GON4L: variants seen among roughly 807,000 people sequenced by gnomAD.
GON4L encodes the protein GON-4-like protein.
In GON4L, 87 loss-of-function variants were observed where a neutral mutation model predicts 211.8. The observed-to-expected ratio is 0.41, with a 90% CI of 0.35 to 0.49. The LOEUF (loss-of-function observed/expected upper bound fraction) is 0.49. GON4L is among the 20% of genes least tolerant of loss of function. The pLI is 0.15. For missense variants in GON4L, 2,155 were observed against 2,659.5 expected (o/e 0.81, Z 4.17); for synonymous variants, 875 against 962.6 (o/e 0.91, Z 1.68).
At chr1:155,752,826 TA>T (rs1199109810) in intron 29 of GON4L, among the ~76,000 whole-genome samples, 1 of 151,794 alleles carries the variant, frequency 6.6e-6, no homozygotes, top group Non-Finnish European at 1.5e-5. Context: ...ATATAAATAA[TA>T]AAAGAGTTGG....
chr1:155,839,293 G>T (rs1670576006), intron 2 of GON4L, among the ~76,000 whole-genome samples: 1 of 150,754 alleles, frequency 6.6e-6, no homozygotes, highest in African/African-American at 2.4e-5. Flanking sequence ...GATCTCAGTG[G>T]GAAAAAAAAA....
intron 2 of GON4L, among the ~76,000 whole-genome samples, chr1:155,849,377 T>C (rs1243085060): frequency 1.3e-5 from 2 of 151,298 alleles, no homozygotes; most frequent in Non-Finnish European, 2.9e-5. Flanking sequence ...ACCCTGCCTC[T>C]ACTAAAAATA....
At chr1:155,759,277 A>G (rs1343175177) in intron 24 of GON4L, among the ~76,000 whole-genome samples, 2 of 152,020 alleles carry the variant, frequency 1.3e-5, no homozygotes, top group Non-Finnish European at 2.9e-5. Flanking sequence ...TTATCTCTTT[A>G]AAAAAATTTT....
chr1:155,852,807 T>C (rs972615357), intron 2 of GON4L, among the ~76,000 whole-genome samples: 11 of 150,358 alleles, frequency 7.3e-5, no homozygotes, highest in African/African-American at 2.5e-4. Context: ...AGAAAGTCTA[T>C]ATCCATTCAT....
At chr1:155,843,252 T>C (rs1670943420) in intron 2 of GON4L, among the ~76,000 whole-genome samples, 1 of 152,070 alleles carries the variant, frequency 6.6e-6, no homozygotes, top group Non-Finnish European at 1.5e-5. Flanking sequence ...AACTCCATAG[T>C]AAACATTTCT....
chr1:155,833,281 C>T (rs780835827), intron 2 of GON4L, among the ~76,000 whole-genome samples: 1 of 152,062 alleles, frequency 6.6e-6, no homozygotes, highest in African/African-American at 2.4e-5. Flanking sequence ...TTCCTTCTGA[C>T]AACTTATCTT....
chr1:155,813,826 A>G (rs1667998147), intron 9 of GON4L, 22 bp from the exon 10 acceptor site: 1 of 1,607,438 alleles, frequency 6.2e-7, no homozygotes, highest in African/African-American at 1.3e-5. Flanking sequence ...AGGTGACTGC[A>G]TCAAAAAAGG....
chr1:155,826,275 G>A (rs1340673548), intron 3 of GON4L, among the ~76,000 whole-genome samples: 1 of 151,474 alleles, frequency 6.6e-6, no homozygotes, highest in Non-Finnish European at 1.5e-5. Flanking sequence ...CAAAAAGACA[G>A]AACAACTGGC....
chr1:155,745,448 C>G (rs1660220642), downstream of GON4L, among the ~76,000 whole-genome samples: 1 of 152,170 alleles, frequency 6.6e-6, no homozygotes, highest in Admixed American at 6.5e-5. Flanking sequence ...CATTTTTGCC[C>G]GGGGAGCTAT....
At chr1:155,794,084 T>C (rs919634384) in intron 12 of GON4L, among the ~76,000 whole-genome samples, 1 of 152,152 alleles carries the variant, frequency 6.6e-6, no homozygotes, top group African/African-American at 2.4e-5. Context: ...AACCTCTTTT[T>C]TTTTTCAGGC....
upstream of GON4L, among the ~76,000 whole-genome samples, chr1:155,857,592 G>A (rs943404323): frequency 1.3e-5 from 2 of 152,162 alleles, no homozygotes; most frequent in Non-Finnish European, 2.9e-5. Flanking sequence ...AGCTGGGCGT[G>A]GTGGCGCACG....
chr1:155,800,779 G>A (rs200413280), intron 11 of GON4L, among the ~76,000 whole-genome samples: 2 of 151,078 alleles, frequency 1.3e-5, no homozygotes, highest in East Asian at 3.9e-4. Flanking sequence ...TTGAACCCGG[G>A]TGGAGGTTGC....
In GON4L at chr1:155,826,983, G is replaced by A. The variant is rs1281851959; in HGVS notation, c.551C>T (p.Ser184Leu). Residue 184 changes from serine to leucine, a missense_variant, in exon 3 of 32, where the codon TCA becomes TTA. Around this residue, in one of 6 missense-constraint regions of GON4L, gnomAD observed 313 missense variants for 293.2 expected, o/e 1.07. Coordinates refer to ENST00000368331, the MANE Select transcript of GON4L (RefSeq NM_001282860.2). ...TACTGGTTTTGCAGATTGGCTGCCT[G>A]ATGGCAGGGAAGGTATCTCCCCTTC... is the stretch of plus-strand genomic sequence containing the variant. Reference protein sequence around the residue: ...NSEGEIPSLPSGSQSAKPVSQ... With the variant: ...NSEGEIPSLPLGSQSAKPVSQ... 4 of 1,613,890 alleles carry A rather than the reference G, an allele frequency of 2.5e-6. No homozygotes were observed. Among genetic ancestry groups the A allele is most frequent in the African/African-American group, 1.3e-5 (1 of 74,932 alleles).
intron 8 of GON4L, among the ~76,000 whole-genome samples, 180 bp from the exon 9 acceptor site, chr1:155,814,629 C>A (rs181629550): frequency 1.3e-5 from 2 of 151,558 alleles, no homozygotes; most frequent in African/African-American, 4.9e-5. Flanking sequence ...ACCTGTAATC[C>A]CAGCTACTCG....
intron 10 of GON4L, among the ~76,000 whole-genome samples, chr1:155,809,314 G>C (rs1354055786): frequency 1.3e-5 from 2 of 151,916 alleles, no homozygotes; most frequent in Non-Finnish European, 2.9e-5. Context: ...TATGTTTATA[G>C]TCTATCTCTC....
At chr1:155,785,907 T>C (rs1265377687) in intron 12 of GON4L, among the ~76,000 whole-genome samples, 4 of 152,104 alleles carry the variant, frequency 2.6e-5, no homozygotes, top group Non-Finnish European at 5.9e-5. Context: ...CCATCCTAGC[T>C]AACATGGTGA....
chr1:155,765,751 G>C lies in GON4L; in HGVS notation c.3722C>G (p.Ala1241Gly), dbSNP rs746719413. The C allele has an allele frequency of 6.8e-6, 11 of 1,614,038 alleles. No individual in the cohort carries two copies. In the Admixed American group the frequency reaches 1.7e-4, roughly 24 times the overall value. Residue 1241 changes from alanine (A) to glycine (G), a missense_variant, in exon 21 of 32, where the codon GCC becomes GGC. Ala to Gly is a moderately conservative substitution (Grantham distance 60, BLOSUM62 0). Coordinates refer to ENST00000368331, the MANE Select transcript of GON4L (RefSeq NM_001282860.2). ...TAATTTGGGTTCTAGGCCCTGAAAG[G>C]CATTTTCCCCATCAGCCACAGCACA... Reference protein sequence around the residue: ...IACAVADGENAFQGLEPKLEP... With the variant: ...IACAVADGENGFQGLEPKLEP...
At chr1:155,819,489 C>A (rs2102237479) in intron 6 of GON4L, among the ~76,000 whole-genome samples, 1 of 152,014 alleles carries the variant, frequency 6.6e-6, no homozygotes, top group South Asian at 2.1e-4. Context: ...CTCCTGGCTT[C>A]AAGCAATCTT....
intron 5 of GON4L, 71 bp downstream of exon 5, chr1:155,821,403 C>T: frequency 1.1e-6 from 1 of 916,768 alleles, no homozygotes; most frequent in Non-Finnish European, 1.8e-6. Flanking sequence ...TCCTAAGTGA[C>T]CTCCTACCCT....
Sources: allele counts gnomAD v4.1 joint callset (sites outside exome capture counted in the v4.1 genomes callset), GRCh38; gene constraint gnomAD v4.1.1; regional missense constraint gnomAD v4.1.1; transcripts MANE v1.5; gene names NCBI Gene and HGNC (gene_info 2026-07-23, HGNC 2026-07-21).